The following OARD1 variants were observed in gnomAD, a reference collection of about 807,000 sequenced individuals.
The protein encoded by OARD1 is O-acyl-ADP-ribose deacylase 1, also known as ADP-ribose glycohydrolase OARD1.
Under a neutral mutation model 19.7 loss-of-function variants are expected in OARD1, and 19 were observed. The observed-to-expected ratio is 0.96, with a 90% CI of 0.67 to 1.41. OARD1 has a LOEUF of 1.41. OARD1 is among the 40% of genes most tolerant of loss of function. The probability of loss-of-function intolerance (pLI) is 0.00; values close to 1 mark genes in which losing one functional copy is unlikely to be tolerated. For synonymous variants in OARD1, 70 were observed against 61.8 expected (o/e 1.13, Z -0.62); for missense variants, 190 against 183.8 (o/e 1.03, Z -0.20).
chr6:41,071,726 A>G, intron 1 of OARD1, 51 bp from the exon 2 acceptor site: 2 of 1,039,916 alleles, frequency 1.9e-6, no homozygotes, highest in South Asian at 1.3e-5. Flanking sequence ...TTAGTATATA[A>G]TATTCTGATT....
intron 1 of OARD1, among the ~76,000 whole-genome samples, chr6:41,087,955 A>G (rs998949426): frequency 1.3e-5 from 2 of 152,248 alleles, no homozygotes; most frequent in Non-Finnish European, 2.9e-5. Flanking sequence ...TTAGCTATCC[A>G]ATCCTAGGAC....
upstream of OARD1, among the ~76,000 whole-genome samples, chr6:41,075,096 T>C (rs1325720387): frequency 6.6e-6 from 1 of 152,230 alleles, no homozygotes; most frequent in Non-Finnish European, 1.5e-5. Flanking sequence ...GTGATTTTCT[T>C]AATTCATTTG....
At chr6:41,074,406 A>G (rs548015335), upstream of OARD1, among the ~76,000 whole-genome samples, 2 of 152,352 alleles carry the variant, frequency 1.3e-5, no homozygotes, top group African/African-American at 2.4e-5. Context: ...ACAGGTGAAC[A>G]GGTAGTTAAT....
chr6:41,092,190 T>A (rs1464347543), intron 1 of OARD1, among the ~76,000 whole-genome samples: 4 of 152,130 alleles, frequency 2.6e-5, no homozygotes, highest in Admixed American at 2.0e-4. Context: ...AAATTAAGAA[T>A]GAGTAACAGA....
upstream of OARD1, among the ~76,000 whole-genome samples, chr6:41,073,636 G>C (rs1763618020): frequency 6.6e-6 from 1 of 152,030 alleles, no homozygotes; most frequent in Non-Finnish European, 1.5e-5. Context: ...GGAGGCCTGG[G>C]GAGGGTGCGC....
chr6:41,084,019 C>A, intron 1 of OARD1: 2 of 1,569,948 alleles, frequency 1.3e-6, no homozygotes, highest in Non-Finnish European at 1.7e-6. Flanking sequence ...TATGTTATTT[C>A]ATTGTTCTTA....
At chr6:41,091,982 A>T (rs1303734341) in intron 1 of OARD1, among the ~76,000 whole-genome samples, 3 of 152,240 alleles carry the variant, frequency 2.0e-5, no homozygotes, top group African/African-American at 7.2e-5. Context: ...AGGGAATTAT[A>T]TACTAATCTT....
At position 41,067,099 on chromosome 6, in the gene OARD1, T is replaced by C; in HGVS notation, c.*236A>G. The C allele has an allele frequency of 7.0e-6, 2 of 286,344 alleles. No homozygotes were observed. The highest frequency in any genetic ancestry group is 1.3e-5 in the Non-Finnish European group (2 of 151,416). 17.7% of individuals were successfully genotyped at this position (286,344 alleles called of 1,614,324 possible). On this transcript the variant is annotated 3_prime_UTR_variant, in exon 6 of 6. Transcript: ENST00000424266. ...CCGACAATCTGGTTTCCCTGCCTAT[T>C]ATCAAGCCACCTAACTCCTTACTTT...
Position 41,065,740 on chromosome 6 carries a change from A to C in OARD1, c.*1595T>G, listed in dbSNP as rs1489783494. 1 of 152,216 alleles carries C rather than the reference A, an allele frequency of 6.6e-6. No individual in the cohort carries two copies. The highest frequency in any genetic ancestry group is 1.5e-5 in the Non-Finnish European group (1 of 68,038). The allele number at this position is 152,216 out of a possible 1,614,324, so 9.4% of individuals were successfully genotyped here. A position where few individuals can be genotyped will look rare whatever the true frequency, so the allele number is the denominator to read the frequency against. On this transcript the variant is annotated 3_prime_UTR_variant, in exon 6 of 6. Transcript: ENST00000424266. Reference sequence around the variant, plus strand: ...GATATGTGATAAGAACACAGTCTAAAGTACAAAGATTATATTTAACCAGTA... The same window carrying C: ...GATATGTGATAAGAACACAGTCTAACGTACAAAGATTATATTTAACCAGTA...
intron 1 of OARD1, among the ~76,000 whole-genome samples, chr6:41,077,813 G>C (rs891838546): frequency 1.3e-5 from 2 of 152,228 alleles, no homozygotes; most frequent in African/African-American, 4.8e-5. Flanking sequence ...ATCAAGGGCA[G>C]TGCTTTGGAG....
At chr6:41,074,987 G>A (rs1046526480), upstream of OARD1, among the ~76,000 whole-genome samples, 5 of 151,386 alleles carry the variant, frequency 3.3e-5, no homozygotes, top group African/African-American at 1.2e-4. Context: ...ACAACTAATA[G>A]GTTTCAGAAA....
chr6:41,068,883 G>A lies in OARD1; in HGVS notation c.314C>T (p.Ser105Phe). ...AGTGACTCCATTCTTCAGACAATGA[G>A]ACTTCATTGCCTCTAAACTCTTCTG... ...NLQKSLEAMK[S>F]HCLKNGVTDL... The change falls in exon 5 of 6, where the codon TCT becomes TTT. Residue 105 changes from serine (S) to phenylalanine (F), a missense_variant. Coordinates refer to ENST00000424266, the MANE Select transcript of OARD1 (RefSeq NM_001329686.2). The A allele has an allele frequency of 1.9e-6, 3 of 1,608,830 alleles. No homozygotes were observed. The highest frequency in any genetic ancestry group is 2.5e-6 in the Non-Finnish European group (3 of 1,176,788).
chr6:41,066,304 C>T lies in OARD1; in HGVS notation c.*1031G>A, dbSNP rs1763005535. On this transcript the variant is annotated 3_prime_UTR_variant, in exon 6 of 6. Coordinates refer to ENST00000424266, the MANE Select transcript of OARD1 (RefSeq NM_001329686.2). ...ACCAGGCCCAGCTAATTTTTAATTT[C>T]TTTTTTTTTTGTAGAGACAGGGTCT... The T allele has an allele frequency of 6.7e-6, 1 of 148,736 alleles. No individual in the cohort carries two copies. The highest frequency in any genetic ancestry group is 1.5e-5 in the Non-Finnish European group (1 of 66,908). The allele number at this position is 148,736 out of a possible 1,614,324, so 9.2% of individuals were successfully genotyped here. A position where few individuals can be genotyped will look rare whatever the true frequency, so the allele number is the denominator to read the frequency against.
At chr6:41,093,979 CA>C (rs1764275002) in intron 1 of OARD1, among the ~76,000 whole-genome samples, 1 of 152,126 alleles carries the variant, frequency 6.6e-6, no homozygotes, top group Non-Finnish European at 1.5e-5. Context: ...ATGATCATGC[CA>C]CTGCAGTCCA....
rs926545991 is a variant in OARD1 at position 41,066,534 on chromosome 6, A to C, written c.*801T>G. On this transcript the variant is annotated 3_prime_UTR_variant, in exon 6 of 6. Transcript: ENST00000424266. Reference sequence around the variant, plus strand: ...CTAAGTACTCTGCCAGGCATTTAACATACATTATTTCACTTGTTTTCATGA... The same window carrying C: ...CTAAGTACTCTGCCAGGCATTTAACCTACATTATTTCACTTGTTTTCATGA... The C allele has an allele frequency of 1.3e-5, 2 of 152,204 alleles. No individual in the cohort carries two copies. The highest frequency in any genetic ancestry group is 3.8e-4 in the East Asian group (2 of 5,202). The allele number at this position is 152,204 out of a possible 1,614,324, so 9.4% of individuals were successfully genotyped here.
At chr6:41,089,773 C>A (rs1390470196) in intron 1 of OARD1, 2 of 1,574,182 alleles carry the variant, frequency 1.3e-6, no homozygotes, top group South Asian at 1.2e-5. Context: ...ATAACTGAGT[C>A]AGATATTTCA....
chr6:41,095,219 A>T (rs1764315695), intron 1 of OARD1, among the ~76,000 whole-genome samples: 1 of 152,100 alleles, frequency 6.6e-6, no homozygotes, highest in Admixed American at 6.5e-5. Flanking sequence ...GCTTACTACT[A>T]TGCCCAGCAA....
chr6:41,067,424 G>T lies in OARD1; in HGVS notation c.370C>A (p.Leu124Ile). The T allele has an allele frequency of 6.2e-7, 1 of 1,612,534 alleles. No individual in the cohort carries two copies. The highest frequency in any genetic ancestry group is 1.1e-5 in the South Asian group (1 of 91,008). ...DLSMPRIGCG[L>I]DRLQWENVSA... ...ACATTTTCCCATTGCAGACGATCAAGACCACATCCAATCCTGAAAAAGACA... is the reference window on the plus strand; with the variant it reads ...ACATTTTCCCATTGCAGACGATCAATACCACATCCAATCCTGAAAAAGACA... Residue 124 changes from leucine to isoleucine, a missense_variant, in exon 6 of 6, where the codon CTT becomes ATT. Transcript: ENST00000424266.
rs1203430429 is a variant in OARD1, at chr6:41,071,621, A to G, written c.14T>C (p.Leu5Pro). The change falls in exon 2 of 6, where the codon CTT becomes CCT. Residue 5 changes from leucine to proline, a missense_variant. Coordinates refer to ENST00000424266, the MANE Select transcript of OARD1 (RefSeq NM_001329686.2). Reference protein sequence around the residue: MASSLNEDPEGSRIT... With the variant: MASSPNEDPEGSRIT... ...TCTGCTTCCTTCTGGATCTTCATTAAGGCTGCTGGCCATGATACTGAGTCG... is the reference window on the plus strand; with the variant it reads ...TCTGCTTCCTTCTGGATCTTCATTAGGGCTGCTGGCCATGATACTGAGTCG... 1 of 1,613,632 alleles carries G rather than the reference A, an allele frequency of 6.2e-7. No individual in the cohort carries two copies. The highest frequency in any genetic ancestry group is 1.7e-5 in the Admixed American group (1 of 60,026).
Sources: allele counts gnomAD v4.1 joint callset (sites outside exome capture counted in the v4.1 genomes callset), GRCh38; gene constraint gnomAD v4.1.1; transcripts MANE v1.5; gene names NCBI Gene and HGNC (gene_info 2026-07-23, HGNC 2026-07-21).